The following RIF1 variants were observed in gnomAD, a reference collection of about 807,000 sequenced individuals.
RIF1 encodes replication timing regulatory factor 1.
RIF1 carries 45 observed loss-of-function variants against 247.1 expected under a neutral mutation model. The observed-to-expected ratio is 0.18, with a 90% CI of 0.14 to 0.23. RIF1 has a LOEUF of 0.23. RIF1 is among the 10% of genes least tolerant of loss of function. The pLI, the probability that RIF1 is intolerant of heterozygous loss-of-function variation, is 1.00. For synonymous variants in RIF1, 1,087 were observed against 978.8 expected (o/e 1.11, Z -2.06); for missense variants, 2,967 against 2,862.5 (o/e 1.04, Z -0.83).
intron 8 of RIF1, among the ~76,000 whole-genome samples, chr2:151,424,560 C>A (rs1376274717): frequency 6.6e-6 from 1 of 152,100 alleles, no homozygotes; most frequent in Non-Finnish European, 1.5e-5. Flanking sequence ...GCTGTAAACA[C>A]CAGTGTACAA....
chr2:151,494,337 G>T, intron 9 of RIF1: 1 of 946,014 alleles, frequency 1.1e-6, no homozygotes, highest in Non-Finnish European at 1.6e-6. Flanking sequence ...GATAACTTTT[G>T]ATTATCTTTA....
At chr2:151,487,864 A>G (rs1002598632) in intron 9 of RIF1, among the ~76,000 whole-genome samples, 2 of 151,900 alleles carry the variant, frequency 1.3e-5, no homozygotes, top group African/African-American at 2.4e-5. Context: ...CAGTCCTCCC[A>G]CCTCCTAAAG....
chr2:151,451,621 G>A lies in RIF1; in HGVS notation c.2260G>A (p.Asp754Asn). 3.5e-6 allele frequency: 5 copies of A among 1,437,786 alleles called. No homozygotes were observed. The highest frequency in any genetic ancestry group is 3.9e-6 in the Non-Finnish European group (4 of 1,021,020). 89.1% of individuals were successfully genotyped at this position (1,437,786 alleles called of 1,614,324 possible). A position where few individuals can be genotyped will look rare whatever the true frequency, so the allele number is the denominator to read the frequency against. ...DEGFSNLLFV[D>N]RIIYIITVMV... Reference sequence around the variant, plus strand: ...TCTTCCCTAGAATTTGTTGTTCGTGGATAGAATTATTTATATTATTACTGT... The same window carrying A: ...TCTTCCCTAGAATTTGTTGTTCGTGAATAGAATTATTTATATTATTACTGT... The change falls in exon 21 of 36, where the codon GAT (aspartate) becomes AAT (asparagine). Residue 754 changes from aspartate (D) to asparagine (N), a missense_variant. By Grantham distance (23) the Asp-to-Asn change is conservative (BLOSUM62 1). Around this residue, in one of 7 missense-constraint regions of RIF1, gnomAD observed 2,028 missense variants for 1,825.6 expected, o/e 1.11. Coordinates refer to ENST00000444746, the MANE Select transcript of RIF1 (RefSeq NM_018151.5).
chr2:151,436,633 A>C (rs1339509144), intron 11 of RIF1, among the ~76,000 whole-genome samples, 194 bp from the exon 12 acceptor site: 1 of 148,896 alleles, frequency 6.7e-6, no homozygotes, highest in Non-Finnish European at 1.5e-5. Context: ...TGTCATATGT[A>C]TTATTTTGTT....
At chr2:151,490,186 C>CA in intron 9 of RIF1, 1 of 1,191,702 alleles carries the variant, frequency 8.4e-7, no homozygotes. Context: ...GAATGATTTC[C>CA]AAAAAGAGAA....
chr2:151,514,756 A>G, the RIF1 span: 1 of 1,176,126 alleles, frequency 8.5e-7, no homozygotes, highest in Non-Finnish European at 1.2e-6. Context: ...GAACACATTA[A>G]TGAGTGTCAC....
downstream of RIF1, chr2:151,485,890 T>C: frequency 6.2e-7 from 1 of 1,613,964 alleles, no homozygotes; most frequent in South Asian, 1.1e-5. Context: ...GGACACCTCA[T>C]CTGCATCAGC....
chr2:151,479,376 C>CA lies in RIF1; in HGVS notation c.*4308dup, dbSNP rs1467866902. 6.6e-6 allele frequency: 1 copy of CA among 152,040 alleles called. No individual in the cohort carries two copies. The highest frequency in any genetic ancestry group is 2.4e-5 in the African/African-American group (1 of 41,398). The allele number at this position is 152,040 out of a possible 1,614,324, so 9.4% of individuals were successfully genotyped here. A position where few individuals can be genotyped will look rare whatever the true frequency, so the allele number is the denominator to read the frequency against. The stretch of plus-strand genomic sequence containing the variant: ...AATCTTATTGATAAGGCAAAGTAGA[C>CA]AAAGTATTTTCTCATGAGTATTTGT... On this transcript the variant is annotated 3_prime_UTR_variant, in exon 36 of 36. Transcript: ENST00000444746.
intron 19 of RIF1, among the ~76,000 whole-genome samples, chr2:151,445,650 C>T (rs1011711537): frequency 6.6e-6 from 1 of 151,984 alleles, no homozygotes; most frequent in African/African-American, 2.4e-5. Flanking sequence ...TGGGTTCAAG[C>T]AGTTCTCCTG....
At chr2:151,428,526 GCTT>G (rs896428549) in intron 8 of RIF1, among the ~76,000 whole-genome samples, 6 of 152,162 alleles carry the variant, frequency 3.9e-5, no homozygotes, top group South Asian at 2.1e-4. Context: ...TACATTGTCT[GCTT>G]CTTCAAACTT....
rs1693295260 is a variant in RIF1, at chr2:151,446,450, A to G, written c.2119A>G (p.Thr707Ala). ...GGCCACCATGAAGACTTTGCTTAGA[A>G]CTTGGTCAGAATTATATAGAGCATT... ...PVATMKTLLR[T>A]WSELYRAFAR... is the part of the protein sequence containing the mutation. Residue 707 changes from threonine to alanine, a missense_variant, in exon 20 of 36, where the codon ACT becomes GCT. Around this residue, in one of 7 missense-constraint regions of RIF1, gnomAD observed 76 missense variants for 113.3 expected, o/e 0.67. Coordinates refer to ENST00000444746, the MANE Select transcript of RIF1 (RefSeq NM_018151.5). 1 of 1,614,010 alleles carries G rather than the reference A, an allele frequency of 6.2e-7. No homozygotes were observed. Among genetic ancestry groups the G allele is most frequent in the Non-Finnish European group, 8.5e-7 (1 of 1,180,020 alleles).
intron 13 of RIF1, among the ~76,000 whole-genome samples, chr2:151,438,435 G>A (rs904407319): frequency 1.3e-5 from 2 of 152,126 alleles, no homozygotes; most frequent in Non-Finnish European, 2.9e-5. Context: ...CTATGATTGT[G>A]CCACTGTACT....
chr2:151,425,833 ATTT>A (rs975705164), intron 8 of RIF1, among the ~76,000 whole-genome samples: 1 of 146,252 alleles, frequency 6.8e-6, no homozygotes, highest in Admixed American at 6.9e-5. Context: ...TGCTCGGCAC[ATTT>A]TTTTTTTCTT....
chr2:151,523,429 G>A, the RIF1 span, among the ~76,000 whole-genome samples: 4 of 152,262 alleles, frequency 2.6e-5, no homozygotes, highest in African/African-American at 9.6e-5. Flanking sequence ...AGTCACTCAC[G>A]ACAACCAAAT....
chr2:151,438,794 G>A lies in RIF1; in HGVS notation c.1546+48G>A, dbSNP rs1460967324. 6 of 1,152,742 alleles carry A rather than the reference G, an allele frequency of 5.2e-6. No homozygotes were observed. In the Admixed American group the frequency reaches 1.0e-4, roughly 20 times the overall value. 71.4% of individuals were successfully genotyped at this position (1,152,742 alleles called of 1,614,324 possible). The stretch of plus-strand genomic sequence containing the variant: ...AATGTTGTTTTTTGAAACAGGTGGT[G>A]ATCAGATGATTTTTATAGCATCCGG... On this transcript the variant is annotated intron_variant, in intron 14 of 35. Transcript: ENST00000444746.
intron 6 of RIF1, among the ~76,000 whole-genome samples, chr2:151,419,966 T>G (rs896348933): frequency 3.3e-5 from 5 of 152,186 alleles, no homozygotes; most frequent in African/African-American, 1.2e-4. Flanking sequence ...ATGACTGAAA[T>G]GTTTCAATCT....
intron 11 of RIF1, 75 bp from the exon 12 acceptor site, chr2:151,436,747 TTGAAA>T: frequency 9.7e-7 from 1 of 1,027,466 alleles, no homozygotes. Context: ...AAAAGTTTCA[TTGAAA>T]TGAAATGTAT....
downstream of RIF1, chr2:151,485,671 G>A (rs1278911357): frequency 1.5e-4 from 192 of 1,280,622 alleles, 1 homozygote; most frequent in Non-Finnish European, 4.3e-6. Context: ...TAGGCAGCTT[G>A]AGAACTTAGG....
chr2:151,454,585 G>T (rs1390012473), intron 21 of RIF1, among the ~76,000 whole-genome samples: 1 of 152,106 alleles, frequency 6.6e-6, no homozygotes, highest in East Asian at 1.9e-4. Context: ...GAAATTTTAT[G>T]AAATGTAAAA....
Sources: gnomAD v4.1 joint callset for allele counts (sites outside exome capture counted in the v4.1 genomes callset) on GRCh38, gnomAD v4.1.1 for gene constraint, gnomAD v4.1.1 regional missense constraint, MANE v1.5 for transcripts, NCBI Gene and HGNC (gene_info 2026-07-23, HGNC 2026-07-21) for gene names.